MICAL2: variants seen among roughly 807,000 people sequenced by gnomAD.
MICAL2 encodes microtubule associated monooxygenase, calponin and LIM domain containing 2, also known as [F-actin]-monooxygenase MICAL2.
Under a neutral mutation model 127.3 loss-of-function variants are expected in MICAL2, and 77 were observed. The observed-to-expected ratio is 0.60, with a 90% CI of 0.50 to 0.73. The LOEUF is 0.73. Among genes scored for constraint, MICAL2 ranks in the 30% least tolerant of loss-of-function variants. The probability of loss-of-function intolerance (pLI) is 0.00; values close to 1 mark genes in which losing one functional copy is unlikely to be tolerated. For missense variants in MICAL2, 1,351 were observed against 1,434.4 expected (o/e 0.94, Z 0.94); for synonymous variants, 570 against 551.1 (o/e 1.03, Z -0.48).
chr11:12,180,576 G>C (rs1182832203), intron 3 of MICAL2, among the ~76,000 whole-genome samples: 1 of 152,070 alleles, frequency 6.6e-6, no homozygotes, highest in East Asian at 1.9e-4. Context: ...AAGCTTTTCT[G>C]TTTACAGAGG....
chr11:12,297,631 T>C (rs1864001903), intron 29 of MICAL2, among the ~76,000 whole-genome samples: 1 of 152,078 alleles, frequency 6.6e-6, no homozygotes, highest in Non-Finnish European at 1.5e-5. Flanking sequence ...CAGTTTCTTC[T>C]AGTCTTCTTG....
intron 12 of MICAL2, chr11:12,224,397 G>A (rs1263796183): frequency 2.5e-6 from 1 of 398,834 alleles, no homozygotes. Flanking sequence ...TTCCCCACTA[G>A]ATGAGCATGT....
At position 12,221,523 on chromosome 11, in the gene MICAL2, T is replaced by TCC. The variant is rs1856817381; in HGVS notation, c.1207-120_1207-119insCC. The TCC allele has an allele frequency of 1.7e-5, 11 of 629,992 alleles. No individual in the cohort carries two copies. In the East Asian group the frequency reaches 3.1e-4, roughly 18 times the overall value. 39.0% of individuals were successfully genotyped at this position (629,992 alleles called of 1,614,324 possible). ...CATAGGTAGCAGGGTCCCTGCCCTG[T>TCC]CACCTCTCTGTCCCTCCAGTGCCCT... On this transcript the variant is annotated intron_variant, in intron 9 of 27. Coordinates refer to ENST00000683283, the MANE Select transcript of MICAL2 (RefSeq NM_001282663.2).
At chr11:12,233,000 A>G (rs1296196422) in intron 15 of MICAL2, among the ~76,000 whole-genome samples, 2 of 152,140 alleles carry the variant, frequency 1.3e-5, no homozygotes, top group African/African-American at 4.8e-5. Flanking sequence ...TCCATGGTGT[A>G]TTTGCTACCC....
In MICAL2 at chr11:12,226,200, C is replaced by T. The variant is rs1233615964; in HGVS notation, c.1718C>T (p.Ala573Val). ...TTTGACTCTTTGAATGAAGATGATG[C>T]TGTGGAGAACAACCAGCTCGCATTT... ...INFDSLNEDD[A>V]VENNQLAFDV... Residue 573 changes from alanine (A) to valine (V), a missense_variant, in exon 14 of 28, where the codon GCT (alanine) becomes GTT (valine). Physicochemically the swap from Ala to Val is moderately conservative, Grantham distance 64. This residue lies in a region of MICAL2 where 752 missense variants were observed against 719.4 expected (regional missense o/e 1.05). Coordinates refer to ENST00000683283, the MANE Select transcript of MICAL2 (RefSeq NM_001282663.2). The T allele has an allele frequency of 6.2e-7, 1 of 1,614,220 alleles. No homozygotes were observed. The highest frequency in any genetic ancestry group is 1.1e-5 in the South Asian group (1 of 91,086).
chr11:12,190,430 C>T (rs533820407), intron 3 of MICAL2, among the ~76,000 whole-genome samples: 1 of 152,298 alleles, frequency 6.6e-6, no homozygotes, highest in Non-Finnish European at 1.5e-5. Context: ...TTTCTGTCAC[C>T]TCTAACTGGC....
At chr11:12,274,116 G>A (rs1053325434), upstream of MICAL2, among the ~76,000 whole-genome samples, 3 of 152,178 alleles carry the variant, frequency 2.0e-5, no homozygotes, top group Admixed American at 2.0e-4. Flanking sequence ...AGATTCAGTA[G>A]ACAAATGAGG....
At chr11:12,327,403 G>T (rs534778069) in intron 32 of MICAL2, 4 of 701,774 alleles carry the variant, frequency 5.7e-6, no homozygotes, top group Non-Finnish European at 9.4e-6. Context: ...CACAAGTGCC[G>T]CACACTTTAA....
At chr11:12,292,045 C>T, downstream of MICAL2, 1 of 1,414,254 alleles carries the variant, frequency 7.1e-7, no homozygotes, top group Non-Finnish European at 9.5e-7. Flanking sequence ...CTTCCTCTTT[C>T]TGACTGTTTA....
chr11:12,327,293 A>G, intron 32 of MICAL2: 1 of 1,536,576 alleles, frequency 6.5e-7, no homozygotes, highest in Non-Finnish European at 8.8e-7. Flanking sequence ...GATCCGGAGC[A>G]GTGGGCATGG....
intron 33 of MICAL2, among the ~76,000 whole-genome samples, chr11:12,350,897 C>T (rs1939032616): frequency 6.6e-6 from 1 of 152,094 alleles, no homozygotes; most frequent in South Asian, 2.1e-4. Context: ...GCTGTGTTTC[C>T]TGCAGAAACA....
chr11:12,239,387 A>G (rs755543574), intron 16 of MICAL2, 49 bp from the exon 17 acceptor site: 3 of 1,612,018 alleles, frequency 1.9e-6, no homozygotes, highest in Non-Finnish European at 2.5e-6. Flanking sequence ...GCTTTCTGAT[A>G]TCCAGATTCC....
rs189185848 is a variant in MICAL2, at chr11:12,156,882, G to A, written c.-77-5197G>A. On this transcript the variant is annotated intron_variant, in intron 2 of 27. Coordinates refer to ENST00000683283, the MANE Select transcript of MICAL2 (RefSeq NM_001282663.2). ...GCTTTTAGTTTCCTGAGCACCCTGC[G>A]AGTGTGGGGGGAACACCCCACTTCA... Among the ~76,000 whole-genome samples, 45 of 152,390 alleles carry A rather than the reference G, an allele frequency of 3.0e-4. 1 individual carries two copies. The East Asian group carries it at 4.2e-3, about 14-fold the overall frequency.
intron 2 of MICAL2, among the ~76,000 whole-genome samples, chr11:12,285,861 G>A (rs1010032339): frequency 4.6e-5 from 7 of 152,136 alleles, no homozygotes; most frequent in South Asian, 2.1e-4. Context: ...CCCTCCCTGC[G>A]TCCATCTCCC....
chr11:12,241,359 G>C (rs1859934980), intron 18 of MICAL2, among the ~76,000 whole-genome samples, 197 bp downstream of exon 18: 1 of 152,138 alleles, frequency 6.6e-6, no homozygotes. Context: ...TGATCCCTTA[G>C]CCAGTCAGAG....
At chr11:12,275,129 G>T (rs552867381), upstream of MICAL2, among the ~76,000 whole-genome samples, 2 of 152,204 alleles carry the variant, frequency 1.3e-5, no homozygotes, top group Non-Finnish European at 2.9e-5. Flanking sequence ...CTGGCGAGGT[G>T]TTGGCTGGAG....
At chr11:12,241,254 G>A in intron 18 of MICAL2, 92 bp downstream of exon 18, 1 of 1,473,966 alleles carries the variant, frequency 6.8e-7, no homozygotes, top group Non-Finnish European at 9.1e-7. Flanking sequence ...CACACCCCAA[G>A]TAGGGCTGAT....
chr11:12,169,069 A>G (rs1053729456), intron 3 of MICAL2, among the ~76,000 whole-genome samples: 5 of 151,778 alleles, frequency 3.3e-5, no homozygotes, highest in African/African-American at 1.2e-4. Context: ...TTTAGTGTGG[A>G]AGAAGTTTCT....
At chr11:12,117,748 A>C (rs1169128991) in intron 1 of MICAL2, among the ~76,000 whole-genome samples, 2 of 152,196 alleles carry the variant, frequency 1.3e-5, no homozygotes, top group African/African-American at 2.4e-5. Context: ...TCCATGTATC[A>C]GGACAGCCAG....
Sources: allele counts gnomAD v4.1 joint callset (sites outside exome capture counted in the v4.1 genomes callset), GRCh38; gene constraint gnomAD v4.1.1; regional missense constraint gnomAD v4.1.1; transcripts MANE v1.5; gene names NCBI Gene and HGNC (gene_info 2026-07-23, HGNC 2026-07-21).